Variants in RAB10 observed in about 807,000 individuals in gnomAD.
The protein encoded by RAB10 is ras-related protein Rab-10.
In RAB10, 5 loss-of-function variants were observed where a neutral mutation model predicts 25.7. That is an observed-to-expected ratio of 0.19 (90% CI 0.10 to 0.41). The LOEUF (loss-of-function observed/expected upper bound fraction) is 0.41, where lower values mean the gene tolerates loss of function less well. RAB10 is among the 10% of genes least tolerant of loss of function. The pLI is 1.00. For synonymous variants in RAB10, 89 were observed against 86.4 expected, an observed-to-expected ratio of 1.03 and a Z score of -0.16; for missense variants, 103 against 245.8, an observed-to-expected ratio of 0.42 and a Z score of 3.89.
chr2:26,126,942 A>G (rs1025361766), intron 3 of RAB10, among the ~76,000 whole-genome samples: 2 of 152,200 alleles, frequency 1.3e-5, no homozygotes, highest in Non-Finnish European at 2.9e-5. Context: ...TGACATGGAT[A>G]TGTCTTGGGA....
At chr2:26,098,475 A>C in intron 1 of RAB10, 187 bp from the exon 2 acceptor site, 1 of 537,922 alleles carries the variant, frequency 1.9e-6, no homozygotes, top group African/African-American at 2.0e-5. Flanking sequence ...TTTTCCTCCT[A>C]TCCTGGATCT....
At chr2:26,104,972 C>T (rs560970388) in intron 2 of RAB10, among the ~76,000 whole-genome samples, 4 of 152,080 alleles carry the variant, frequency 2.6e-5, no homozygotes, top group East Asian at 1.9e-4. Flanking sequence ...CTCCTGACCT[C>T]GTGATCCACC....
chr2:26,088,610 T>C lies in RAB10; in HGVS notation c.128-10052T>C, dbSNP rs940727447. 2.6e-5 allele frequency among the ~76,000 whole-genome samples: 4 copies of C among 152,166 alleles called. No homozygotes were observed. In the South Asian group the frequency reaches 6.2e-4, roughly 24 times the overall value. On this transcript the variant is annotated intron_variant, in intron 1 of 5. Transcript: ENST00000264710. ...CCACCCTGTTCATCTTTAGTTTAAC[T>C]TGTCCCCCCACCAAGTTGGAGTCTT...
intron 5 of RAB10, among the ~76,000 whole-genome samples, chr2:26,133,628 G>T (rs1016751999): frequency 6.6e-6 from 1 of 151,556 alleles, no homozygotes; most frequent in Non-Finnish European, 1.5e-5. Flanking sequence ...TATAAAAATG[G>T]GCCTACCCTT....
intron 1 of RAB10, among the ~76,000 whole-genome samples, chr2:26,080,417 T>C (rs910040417): frequency 6.6e-6 from 1 of 152,150 alleles, no homozygotes; most frequent in Non-Finnish European, 1.5e-5. Context: ...AACATGATAA[T>C]TATTTAGTCT....
At chr2:26,091,898 A>G (rs1484283914) in intron 1 of RAB10, among the ~76,000 whole-genome samples, 1 of 152,130 alleles carries the variant, frequency 6.6e-6, no homozygotes, top group Admixed American at 6.5e-5. Flanking sequence ...AGGACCAGGC[A>G]TGGTGGCTCA....
chr2:26,048,701 C>T (rs545055934), intron 1 of RAB10, among the ~76,000 whole-genome samples: 23 of 151,938 alleles, frequency 1.5e-4, no homozygotes, highest in Non-Finnish European at 2.4e-4. Flanking sequence ...ATGGCGAAAC[C>T]CTATCTCTAC....
chr2:26,128,891 A>G (rs1274176505), intron 5 of RAB10, among the ~76,000 whole-genome samples: 1 of 152,202 alleles, frequency 6.6e-6, no homozygotes, highest in Non-Finnish European at 1.5e-5. Context: ...CCTCGAGTGA[A>G]TAGGTATAAT....
chr2:26,119,937 TGGA>T (rs1182903101), intron 3 of RAB10, among the ~76,000 whole-genome samples: 1 of 152,186 alleles, frequency 6.6e-6, no homozygotes, highest in Non-Finnish European at 1.5e-5. Flanking sequence ...TGAGTTGGCG[TGGA>T]GGTGTAGTAG....
At chr2:26,120,671 G>T (rs1005235880) in intron 3 of RAB10, among the ~76,000 whole-genome samples, 2 of 149,834 alleles carry the variant, frequency 1.3e-5, no homozygotes, top group Non-Finnish European at 3.0e-5. Flanking sequence ...CTCACTGCAA[G>T]CTCTACCTCC....
intron 1 of RAB10, among the ~76,000 whole-genome samples, chr2:26,082,543 A>G (rs1427525795): frequency 6.6e-6 from 1 of 152,166 alleles, no homozygotes; most frequent in African/African-American, 2.4e-5. Context: ...ATAATTGTAT[A>G]GTTGGATATT....
intron 1 of RAB10, among the ~76,000 whole-genome samples, chr2:26,073,523 CT>C (rs1666672050): frequency 6.6e-6 from 1 of 152,220 alleles, no homozygotes; most frequent in South Asian, 2.1e-4. Flanking sequence ...TTTTGTCCTA[CT>C]TTTTAGTTTT....
intron 1 of RAB10, among the ~76,000 whole-genome samples, chr2:26,074,830 C>T (rs1438149957): frequency 6.6e-6 from 1 of 152,190 alleles, no homozygotes; most frequent in Non-Finnish European, 1.5e-5. Context: ...ACTTAACTTC[C>T]TTCTGCCTTC....
At position 26,034,568 on chromosome 2, in the gene RAB10, C is replaced by T. The variant is rs1665721578; in HGVS notation, c.-41C>T. On this transcript the variant is annotated 5_prime_UTR_variant, in exon 1 of 6. Coordinates refer to ENST00000264710, the MANE Select transcript of RAB10 (RefSeq NM_016131.5). ...TGGCCGTAGTGAGAGGGACCGATCC[C>T]TTGGGGCCGCCGGCGGCGAGAGCCC... 6.2e-7 allele frequency: 1 copy of T among 1,611,748 alleles called. No individual in the cohort carries two copies. The highest frequency in any genetic ancestry group is 8.5e-7 in the Non-Finnish European group (1 of 1,179,690).
Position 26,117,637 on chromosome 2 carries a change from A to AAAC in RAB10, c.327+7733_327+7734insCAA, listed in dbSNP as rs1553729866. On this transcript the variant is annotated intron_variant, in intron 3 of 5. Coordinates refer to ENST00000264710, the MANE Select transcript of RAB10 (RefSeq NM_016131.5). Reference sequence around the variant, plus strand: ...TCCGTCTCAAAAAAAAAAAAAAAACAAAAAAAACAAAAGAGTTAGGAAGTA... The same window carrying AAAC: ...TCCGTCTCAAAAAAAAAAAAAAAACAAACAAAAAAACAAAAGAGTTAGGAAGTA... Among the ~76,000 whole-genome samples, 59 of 138,148 alleles carry AAAC rather than the reference A, an allele frequency of 4.3e-4. 3 individuals are homozygous for AAAC. The South Asian group carries it at 9.6e-3, about 22-fold the overall frequency. 90.6% of individuals were successfully genotyped at this position (138,148 alleles called of 152,430 possible).
chr2:26,132,232 C>G (rs1337665646), intron 5 of RAB10, among the ~76,000 whole-genome samples: 1 of 152,188 alleles, frequency 6.6e-6, no homozygotes, highest in African/African-American at 2.4e-5. Flanking sequence ...CAGGTAATTT[C>G]TGAGTAAGGC....
chr2:26,084,089 C>A (rs1666926447), intron 1 of RAB10, among the ~76,000 whole-genome samples: 1 of 152,166 alleles, frequency 6.6e-6, no homozygotes, highest in Non-Finnish European at 1.5e-5. Context: ...AACATATTTG[C>A]ATGTCAAATC....
intron 3 of RAB10, among the ~76,000 whole-genome samples, chr2:26,115,160 T>G (rs1667658625): frequency 6.6e-6 from 1 of 152,204 alleles, no homozygotes; most frequent in South Asian, 2.1e-4. Context: ...AAGATGCAGC[T>G]GGTTTGGAAG....
At chr2:26,099,271 T>A (rs908807798) in intron 2 of RAB10, among the ~76,000 whole-genome samples, 1 of 152,144 alleles carries the variant, frequency 6.6e-6, no homozygotes, top group Non-Finnish European at 1.5e-5. Flanking sequence ...AATCTGTTAC[T>A]CCTTTTGAGA....
Sources: gnomAD v4.1 joint callset for allele counts (sites outside exome capture counted in the v4.1 genomes callset) on GRCh38, gnomAD v4.1.1 for gene constraint, MANE v1.5 for transcripts, NCBI Gene and HGNC (gene_info 2026-07-23, HGNC 2026-07-21) for gene names.